CENPW: variants seen among roughly 807,000 people sequenced by gnomAD.
The protein encoded by CENPW is cancer-up-regulated gene 2 protein.
Under a neutral mutation model 11.1 loss-of-function variants are expected in CENPW, and 3 were observed. The observed-to-expected ratio is 0.27, with a 90% confidence interval of 0.12 to 0.70. The LOEUF (loss-of-function observed/expected upper bound fraction) is 0.70. Ranked by LOEUF, CENPW falls within the 30% of genes least tolerant of loss-of-function variation. The probability of loss-of-function intolerance (pLI) is 0.77; values close to 1 mark genes in which losing one functional copy is unlikely to be tolerated. For missense variants in CENPW, 100 were observed against 105.6 expected (o/e 0.95, Z 0.23); for synonymous variants, 38 against 42.0 (o/e 0.91, Z 0.37).
At chr6:126,419,742 T>C in the CENPW span, among the ~76,000 whole-genome samples, 1 of 152,212 alleles carries the variant, frequency 6.6e-6, no homozygotes, top group East Asian at 1.9e-4. Flanking sequence ...TTCTACCTTC[T>C]AGACACTTCC....
chr6:126,430,080 A>G, the CENPW span, among the ~76,000 whole-genome samples: 1 of 152,134 alleles, frequency 6.6e-6, no homozygotes, highest in Non-Finnish European at 1.5e-5. Flanking sequence ...CTCACTTATC[A>G]TGGAATGCCT....
At chr6:126,450,693 C>T in the CENPW span, among the ~76,000 whole-genome samples, 1 of 150,824 alleles carries the variant, frequency 6.6e-6, no homozygotes, top group Non-Finnish European at 1.5e-5. Context: ...GAATTTTCCA[C>T]AGTATTATTC....
chr6:126,392,921 C>T, the CENPW span, among the ~76,000 whole-genome samples: 4 of 151,784 alleles, frequency 2.6e-5, no homozygotes, highest in African/African-American at 9.7e-5. Flanking sequence ...CCATTGGGTC[C>T]TGGGCTTTTA....
the CENPW span, among the ~76,000 whole-genome samples, chr6:126,380,172 G>A: frequency 2.6e-5 from 4 of 152,172 alleles, no homozygotes; most frequent in Admixed American, 2.6e-4. Context: ...AGCAGAGTGG[G>A]AACCAAAGTC....
At chr6:126,378,464 AG>A in the CENPW span, among the ~76,000 whole-genome samples, 1 of 116,990 alleles carries the variant, frequency 8.5e-6, no homozygotes, top group Admixed American at 1.1e-4. Context: ...ATGTCCCTTG[AG>A]TTTTTTTTTT....
chr6:126,440,567 T>C, the CENPW span, among the ~76,000 whole-genome samples: 1 of 151,552 alleles, frequency 6.6e-6, no homozygotes, highest in Non-Finnish European at 1.5e-5. Flanking sequence ...ATTAAAGAAG[T>C]ATATGCTAAT....
intron 1 of CENPW, among the ~76,000 whole-genome samples, chr6:126,342,665 C>T (rs1240983883): frequency 1.3e-5 from 2 of 152,074 alleles, no homozygotes; most frequent in African/African-American, 4.8e-5. Flanking sequence ...CCTTAATGTC[C>T]TTAGAAAGGA....
the CENPW span, among the ~76,000 whole-genome samples, chr6:126,433,391 A>G: frequency 6.6e-6 from 1 of 152,214 alleles, no homozygotes; most frequent in African/African-American, 2.4e-5. Context: ...CTCTGCATGC[A>G]TCAGAAACCC....
the CENPW span, among the ~76,000 whole-genome samples, chr6:126,455,249 G>T: frequency 2.0e-5 from 3 of 151,134 alleles, no homozygotes; most frequent in Admixed American, 6.6e-5. Context: ...CTTAAACCTG[G>T]CAGAGACATA....
At chr6:126,436,963 T>C in the CENPW span, among the ~76,000 whole-genome samples, 1 of 151,752 alleles carries the variant, frequency 6.6e-6, no homozygotes, top group Non-Finnish European at 1.5e-5. Flanking sequence ...CATTGGAGAG[T>C]TGTAGTTTGC....
chr6:126,377,123 T>C, the CENPW span, among the ~76,000 whole-genome samples: 1 of 152,102 alleles, frequency 6.6e-6, no homozygotes, highest in Non-Finnish European at 1.5e-5. Context: ...AGTAGGGAAG[T>C]TGGGGAGAGC....
chr6:126,360,127 A>C, the CENPW span, among the ~76,000 whole-genome samples: 1 of 152,192 alleles, frequency 6.6e-6, no homozygotes, highest in Non-Finnish European at 1.5e-5. Context: ...AATTGTAACA[A>C]ATTCCCTCAG....
At chr6:126,468,012 C>T in the CENPW span, among the ~76,000 whole-genome samples, 116 of 151,988 alleles carry the variant, frequency 7.6e-4, no homozygotes, top group Non-Finnish European at 1.4e-3. Context: ...GTACAAAATA[C>T]GCAACCAGTA....
At chr6:126,361,382 C>T in the CENPW span, among the ~76,000 whole-genome samples, 9 of 152,096 alleles carry the variant, frequency 5.9e-5, no homozygotes, top group Admixed American at 5.9e-4. Context: ...TCACTGCAAG[C>T]TCCGCCTCCT....
chr6:126,341,757 A>G (rs1583952266), intron 1 of CENPW, among the ~76,000 whole-genome samples: 1 of 152,162 alleles, frequency 6.6e-6, no homozygotes. Context: ...AAATGGAGGG[A>G]GAGGAAATGT....
chr6:126,356,129 A>G, the CENPW span, among the ~76,000 whole-genome samples: 699 of 152,266 alleles, frequency 4.6e-3, 6 homozygotes, highest in African/African-American at 0.015. Context: ...AATGGTTTCT[A>G]ACACCTCTTC....
chr6:126,408,829 G>C, the CENPW span, among the ~76,000 whole-genome samples: 4 of 151,552 alleles, frequency 2.6e-5, no homozygotes, highest in African/African-American at 7.3e-5. Flanking sequence ...TAATTTTTTT[G>C]TTTCTAATTT....
At chr6:126,472,186 A>G in the CENPW span, among the ~76,000 whole-genome samples, 23 of 152,314 alleles carry the variant, frequency 1.5e-4, no homozygotes, top group South Asian at 3.9e-3. Flanking sequence ...GAAATTGCAT[A>G]TAATTATTGT....
the CENPW span, among the ~76,000 whole-genome samples, chr6:126,463,034 AG>A: frequency 3.9e-5 from 6 of 152,094 alleles, no homozygotes; most frequent in Non-Finnish European, 8.8e-5. Flanking sequence ...AAATAGCATA[AG>A]ATAGTGAAAA....
Sources: gnomAD v4.1 joint callset for allele counts (sites outside exome capture counted in the v4.1 genomes callset) on GRCh38, gnomAD v4.1.1 for gene constraint, MANE v1.5 for transcripts, NCBI Gene and HGNC (gene_info 2026-07-23, HGNC 2026-07-21) for gene names.